CEP112: variants seen among roughly 807,000 people sequenced by gnomAD.
CEP112 encodes centrosomal protein 112.
A neutral mutation model predicts 153.0 loss-of-function variants in CEP112; 127 were observed. The ratio of observed to expected loss-of-function variants is 0.83; its 90% confidence interval spans 0.72 to 0.96. The LOEUF (loss-of-function observed/expected upper bound fraction) is 0.96, where lower values mean the gene tolerates loss of function less well. Among genes scored for constraint, CEP112 ranks in the 40% least tolerant of loss-of-function variants. The pLI is 0.00. For synonymous variants in CEP112, 358 were observed against 374.4 expected, an observed-to-expected ratio of 0.96 and a Z score of 0.51; for missense variants, 1,089 against 1,101.2, an observed-to-expected ratio of 0.99 and a Z score of 0.16.
rs201113729 is a variant in CEP112, at chr17:66,086,828, T to A, written c.768+9423A>T. ...AGGTGATTTTATTTCCCTCCTTACA[T>A]ATGTCTCTATTTCCCAAAATGTCTT... On this transcript the variant is annotated intron_variant, in intron 8 of 26. Transcript: ENST00000535342. Among the ~76,000 whole-genome samples the A allele has an allele frequency of 3.3e-5, 5 of 152,338 alleles. No individual in the cohort carries two copies. The East Asian group carries it at 7.7e-4, about 23-fold the overall frequency.
chr17:66,149,779 G>T, intron 4 of CEP112, among the ~76,000 whole-genome samples: 1 of 138,884 alleles, frequency 7.2e-6, no homozygotes, highest in Non-Finnish European at 1.6e-5. Context: ...TTTCTCTACT[G>T]TTTTTCTGTT....
At chr17:66,129,890 G>A in intron 5 of CEP112, 67 bp from the exon 6 acceptor site, 1 of 1,009,186 alleles carries the variant, frequency 9.9e-7, no homozygotes, top group Non-Finnish European at 1.5e-6. Flanking sequence ...AGGAAAAGAT[G>A]GAAGAGATAA....
intron 21 of CEP112, among the ~76,000 whole-genome samples, chr17:65,832,652 G>A (rs939455425): frequency 6.6e-6 from 1 of 152,014 alleles, no homozygotes; most frequent in Non-Finnish European, 1.5e-5. Flanking sequence ...GGCTGAACAA[G>A]GAAGAAATTT....
intron 22 of CEP112, among the ~76,000 whole-genome samples, chr17:65,743,857 G>T (rs113555995): frequency 6.6e-6 from 1 of 151,900 alleles, no homozygotes; most frequent in Non-Finnish European, 1.5e-5. Context: ...CACTTCCTGG[G>T]TTCAAGTGAT....
intron 8 of CEP112, among the ~76,000 whole-genome samples, chr17:66,083,872 C>T (rs984408252): frequency 1.3e-5 from 2 of 151,496 alleles, no homozygotes; most frequent in Non-Finnish European, 2.9e-5. Flanking sequence ...GACAAAACAA[C>T]AAAAAAAGAA....
intron 17 of CEP112, among the ~76,000 whole-genome samples, chr17:65,988,199 G>C (rs1035199200): frequency 6.6e-6 from 1 of 152,096 alleles, no homozygotes; most frequent in Non-Finnish European, 1.5e-5. Context: ...CTGGGCTTAA[G>C]GTGCCATCTA....
intron 23 of CEP112, among the ~76,000 whole-genome samples, chr17:65,719,688 T>G (rs1232981162): frequency 2.6e-5 from 4 of 152,128 alleles, no homozygotes; most frequent in Non-Finnish European, 5.9e-5. Context: ...GAGTAGGAGT[T>G]GGCCAGAAGA....
chr17:65,946,700 C>G (rs1568274300), intron 18 of CEP112, among the ~76,000 whole-genome samples: 1 of 152,054 alleles, frequency 6.6e-6, no homozygotes, highest in Non-Finnish European at 1.5e-5. Context: ...TAAAATGGCA[C>G]TGTTAAGATT....
intron 4 of CEP112, among the ~76,000 whole-genome samples, chr17:66,141,135 C>T (rs1029039863): frequency 2.7e-5 from 4 of 149,178 alleles, no homozygotes; most frequent in African/African-American, 7.7e-5. Flanking sequence ...TTATTTTTTC[C>T]TTTGTTTTCT....
intron 23 of CEP112, among the ~76,000 whole-genome samples, chr17:65,715,618 T>C (rs2049462142): frequency 6.6e-6 from 1 of 151,944 alleles, no homozygotes; most frequent in Non-Finnish European, 1.5e-5. Context: ...GCCCGGCTAA[T>C]TTTTCATATT....
intron 16 of CEP112, among the ~76,000 whole-genome samples, chr17:66,007,566 T>G (rs1432390155): frequency 1.3e-5 from 2 of 152,198 alleles, no homozygotes; most frequent in Non-Finnish European, 2.9e-5. Context: ...GTCTTTTTAA[T>G]GTAGAGAGTC....
chr17:65,782,610 T>C (rs955040701), intron 21 of CEP112, among the ~76,000 whole-genome samples: 15 of 152,168 alleles, frequency 9.9e-5, no homozygotes, highest in Admixed American at 7.2e-4. Flanking sequence ...CAATGGTGTA[T>C]TGCATAAAGA....
intron 21 of CEP112, among the ~76,000 whole-genome samples, chr17:65,833,593 C>T (rs1373928509): frequency 6.6e-6 from 1 of 152,084 alleles, no homozygotes; most frequent in Admixed American, 6.6e-5. Flanking sequence ...GAAAGCAATC[C>T]ATTCACAATG....
Position 66,104,399 on chromosome 17 carries a change from G to C in CEP112, c.643-7767C>G, listed in dbSNP as rs2068692635. On this transcript the variant is annotated intron_variant, in intron 6 of 26. Coordinates refer to ENST00000535342, the MANE Select transcript of CEP112 (RefSeq NM_001199165.4). The stretch of plus-strand genomic sequence containing the variant: ...CAGAGGGGAACCGACTACCTTGAAA[G>C]AAAGGACCCACTCCTGGCAGAATTC... Among the ~76,000 whole-genome samples, 3 of 152,152 alleles carry C rather than the reference G, an allele frequency of 2.0e-5. 1 individual carries two copies. In the South Asian group the frequency reaches 6.2e-4, roughly 32 times the overall value.
intron 8 of CEP112, among the ~76,000 whole-genome samples, chr17:66,090,482 T>C (rs2068092019): frequency 6.6e-6 from 1 of 152,076 alleles, no homozygotes; most frequent in South Asian, 2.1e-4. Context: ...TAAAATAGCC[T>C]GTCATGAAAA....
chr17:66,091,335 T>C (rs560273236), intron 8 of CEP112, among the ~76,000 whole-genome samples: 1 of 152,228 alleles, frequency 6.6e-6, no homozygotes, highest in East Asian at 1.9e-4. Flanking sequence ...TGAAATCATA[T>C]CAAGTATCTT....
At chr17:66,094,484 C>T (rs748549234) in intron 8 of CEP112, among the ~76,000 whole-genome samples, 3 of 152,040 alleles carry the variant, frequency 2.0e-5, no homozygotes, top group Admixed American at 2.0e-4. Context: ...CCTTATCTCA[C>T]ACCATATACA....
chr17:65,977,691 G>A lies in CEP112; in HGVS notation c.1737-16093C>T, dbSNP rs777438220. 4.8e-4 allele frequency among the ~76,000 whole-genome samples: 73 copies of A among 152,126 alleles called. 2 individuals are homozygous for A. Among genetic ancestry groups the A allele is most frequent in the Non-Finnish European group, 1.5e-4 (10 of 68,030 alleles). On this transcript the variant is annotated intron_variant, in intron 17 of 26. Coordinates refer to ENST00000535342, the MANE Select transcript of CEP112 (RefSeq NM_001199165.4). Reference sequence around the variant, plus strand: ...TACAGTGGCTCATGCCTATAATCCCGACACTTTGGGAAGCCGAGGTGGGAG... The same window carrying A: ...TACAGTGGCTCATGCCTATAATCCCAACACTTTGGGAAGCCGAGGTGGGAG...
chr17:65,709,583 G>A (rs922124851), intron 23 of CEP112, among the ~76,000 whole-genome samples: 10 of 152,158 alleles, frequency 6.6e-5, no homozygotes, highest in African/African-American at 1.7e-4. Flanking sequence ...CCCACAACAC[G>A]TGGGAATTAT....
Sources: gnomAD v4.1 joint callset for allele counts (sites outside exome capture counted in the v4.1 genomes callset) on GRCh38, gnomAD v4.1.1 for gene constraint, MANE v1.5 for transcripts, NCBI Gene and HGNC (gene_info 2026-07-23, HGNC 2026-07-21) for gene names.